The following FKBP1A variants were observed in gnomAD, a reference collection of about 807,000 sequenced individuals.
FKBP1A encodes FKBP prolyl isomerase 1A, also known as peptidyl-prolyl cis-trans isomerase FKBP1A.
Under a neutral mutation model 14.2 loss-of-function variants are expected in FKBP1A, and 5 were observed. That is an observed-to-expected ratio of 0.35 (90% CI 0.18 to 0.74). FKBP1A has a LOEUF of 0.74. Ranked by LOEUF, FKBP1A falls within the 30% of genes least tolerant of loss-of-function variation. FKBP1A has a pLI of 0.56. For synonymous variants in FKBP1A, 42 were observed against 49.1 expected (o/e 0.86, Z 0.60); for missense variants, 53 against 138.8 (o/e 0.38, Z 3.10).
chr20:1,377,020 G>C (rs1032879887), intron 2 of FKBP1A: 2 of 152,206 alleles, frequency 1.3e-5, no homozygotes, highest in Non-Finnish European at 2.9e-5. Flanking sequence ...TGGAGGGTCA[G>C]CCAGTGGTTA....
chr20:1,389,730 C>T (rs2089710966), intron 2 of FKBP1A, among the ~76,000 whole-genome samples: 2 of 152,190 alleles, frequency 1.3e-5, no homozygotes, highest in East Asian at 1.9e-4. Context: ...ATGGCAGGCA[C>T]ACGGCCTGCT....
At chr20:1,377,752 C>T (rs2089566405) in intron 2 of FKBP1A, 1 of 152,196 alleles carries the variant, frequency 6.6e-6, no homozygotes, top group African/African-American at 2.4e-5. Flanking sequence ...CATCCACCCT[C>T]GTGAGACTGC....
rs776042879 is a variant in FKBP1A, at chr20:1,392,336, C to T, written c.85+498G>A. Among the ~76,000 whole-genome samples the T allele has an allele frequency of 2.0e-5, 3 of 152,158 alleles. No individual in the cohort carries two copies. The South Asian group carries it at 6.2e-4, about 31-fold the overall frequency. ...GGCAAAGGGGCGAATTCCGAGTTCC[C>T]CGGAGGAAGCAGCAGCTCTGCAGAC... On this transcript the variant is annotated intron_variant, in intron 2 of 4. Coordinates refer to ENST00000400137, the MANE Select transcript of FKBP1A (RefSeq NM_000801.5).
chr20:1,392,877 G>T lies in FKBP1A; in HGVS notation c.42C>A (p.Arg14=). The T allele has an allele frequency of 6.5e-7, 1 of 1,534,270 alleles. No individual in the cohort carries two copies. The highest frequency in any genetic ancestry group is 8.8e-7 in the Non-Finnish European group (1 of 1,139,900). Reference sequence around the variant, plus strand: ...AGGTCTGGCCGCGCTTGGGGAAGGTGCGCCCTGAGGAGACAGAGACGGGCA... The same window carrying T: ...AGGTCTGGCCGCGCTTGGGGAAGGTTCGCCCTGAGGAGACAGAGACGGGCA... ...QVETISPGDG[R]TFPKRGQTCV... is the part of the protein sequence containing the mutation. Residue 14 remains arginine, a synonymous_variant, in exon 2 of 5, where the codon CGC becomes CGA. Coordinates refer to ENST00000400137, the MANE Select transcript of FKBP1A (RefSeq NM_000801.5).
At chr20:1,390,030 C>T (rs989062762) in intron 2 of FKBP1A, among the ~76,000 whole-genome samples, 15 of 152,136 alleles carry the variant, frequency 9.9e-5, no homozygotes, top group African/African-American at 3.6e-4. Context: ...CAGAAGGTCA[C>T]GGAAGTCACC....
In FKBP1A at chr20:1,375,359, T is replaced by C. The variant is rs1265941247; in HGVS notation, c.198+132A>G. 1.1e-5 allele frequency: 7 copies of C among 645,200 alleles called. 1 individual carries two copies. The highest frequency in any genetic ancestry group is 5.8e-5 in the South Asian group (3 of 51,308). The allele number at this position is 645,200 out of a possible 1,614,324, so 40.0% of individuals were successfully genotyped here. A position where few individuals can be genotyped will look rare whatever the true frequency, so the allele number is the denominator to read the frequency against. On this transcript the variant is annotated intron_variant, in intron 3 of 4. Coordinates refer to ENST00000400137, the MANE Select transcript of FKBP1A (RefSeq NM_000801.5). Reference sequence around the variant, plus strand: ...ACAACAGGAGCTTCTTGTGGGGGTATTGGTCAGATGGGATGGCATGAGGGT... The same window carrying C: ...ACAACAGGAGCTTCTTGTGGGGGTACTGGTCAGATGGGATGGCATGAGGGT...
chr20:1,381,363 G>A (rs1052331778), intron 2 of FKBP1A, among the ~76,000 whole-genome samples: 4 of 152,156 alleles, frequency 2.6e-5, no homozygotes, highest in South Asian at 2.1e-4. Flanking sequence ...TTATAACAAC[G>A]CAAATTAAAA....
Position 1,370,042 on chromosome 20 carries a change from T to C in FKBP1A, c.*67A>G. 6.5e-7 allele frequency: 1 copy of C among 1,550,160 alleles called. No individual in the cohort carries two copies. The highest frequency in any genetic ancestry group is 8.7e-7 in the Non-Finnish European group (1 of 1,146,908). ...CTCCATATGGATTCATGTGCACATG[T>C]CTGGAGGCACCAGATCCCTCCATGG... On this transcript the variant is annotated 3_prime_UTR_variant, in exon 5 of 5. Transcript: ENST00000400137.
At position 1,369,727 on chromosome 20, in the gene FKBP1A, C is replaced by G. The variant is rs1278531291; in HGVS notation, c.*382G>C. On this transcript the variant is annotated 3_prime_UTR_variant, in exon 5 of 5. Transcript: ENST00000400137. Reference sequence around the variant, plus strand: ...AAAATAAAATATTCTTGCAAACCCCCCCCCCAACACCAATTCCTATTCTAA... The same window carrying G: ...AAAATAAAATATTCTTGCAAACCCCGCCCCCAACACCAATTCCTATTCTAA... 5 of 245,426 alleles carry G rather than the reference C, an allele frequency of 2.0e-5. No homozygotes were observed. Among genetic ancestry groups the G allele is most frequent in the East Asian group, 8.9e-5 (1 of 11,230 alleles). The allele number at this position is 245,426 out of a possible 1,614,324, so 15.2% of individuals were successfully genotyped here.
chr20:1,378,922 A>G (rs1411370704), intron 2 of FKBP1A, among the ~76,000 whole-genome samples: 2 of 152,222 alleles, frequency 1.3e-5, no homozygotes, highest in African/African-American at 2.4e-5. Context: ...TCATGTCAGG[A>G]CCCAGTACAC....
chr20:1,387,312 G>A (rs1568592176), intron 2 of FKBP1A, among the ~76,000 whole-genome samples: 1 of 152,132 alleles, frequency 6.6e-6, no homozygotes, highest in Non-Finnish European at 1.5e-5. Flanking sequence ...ACCGAGAAAT[G>A]GATGAAGGAA....
At chr20:1,389,861 T>G (rs2089712505) in intron 2 of FKBP1A, among the ~76,000 whole-genome samples, 2 of 152,166 alleles carry the variant, frequency 1.3e-5, no homozygotes, top group African/African-American at 4.8e-5. Flanking sequence ...TAAAGGCACT[T>G]ACTTGGCAGC....
chr20:1,372,278 C>T (rs1266433694), intron 3 of FKBP1A, 38 bp from the exon 4 acceptor site: 8 of 1,605,530 alleles, frequency 5.0e-6, no homozygotes, highest in Non-Finnish European at 6.8e-6. Context: ...CAGCTGGACA[C>T]ATGCCCCAAC....
intron 2 of FKBP1A, among the ~76,000 whole-genome samples, chr20:1,390,490 A>G (rs758157006): frequency 2.6e-5 from 4 of 152,058 alleles, no homozygotes; most frequent in Non-Finnish European, 1.5e-5. Flanking sequence ...ACACAAAACA[A>G]CAACCAAAAA....
At chr20:1,373,783 T>C (rs2089501146) in intron 3 of FKBP1A, among the ~76,000 whole-genome samples, 1 of 152,170 alleles carries the variant, frequency 6.6e-6, no homozygotes, top group South Asian at 2.1e-4. Flanking sequence ...TGGGTTGTGG[T>C]ATGAACAATG....
rs537338759 is a variant in FKBP1A at position 1,392,485 on chromosome 20, A to G, written c.85+349T>C. 2.6e-5 allele frequency among the ~76,000 whole-genome samples: 4 copies of G among 152,186 alleles called. No individual in the cohort carries two copies. In the South Asian group the frequency reaches 8.3e-4, roughly 32 times the overall value. ...AGCTCTGCCCATTCCTGAAAGTGTG[A>G]CCTTGGGAAAGTGAGACCTTGGGAA... On this transcript the variant is annotated intron_variant, in intron 2 of 4. Transcript: ENST00000400137.
intron 2 of FKBP1A, among the ~76,000 whole-genome samples, chr20:1,391,240 A>G (rs2089732401): frequency 6.6e-6 from 1 of 152,086 alleles, no homozygotes; most frequent in African/African-American, 2.4e-5. Context: ...TTGAGTCCCA[A>G]TCTTTGCCCC....
intron 2 of FKBP1A, among the ~76,000 whole-genome samples, chr20:1,392,026 G>C (rs890386217): frequency 6.6e-6 from 1 of 152,216 alleles, no homozygotes; most frequent in African/African-American, 2.4e-5. Flanking sequence ...TGGCTGGGGA[G>C]GGGGAGGTGT....
At chr20:1,377,514 G>A (rs1423153930) in intron 2 of FKBP1A, 1 of 152,180 alleles carries the variant, frequency 6.6e-6, no homozygotes, top group Non-Finnish European at 1.5e-5. Context: ...GTCACCACCT[G>A]ATGAAAGAAA....
Sources: gnomAD v4.1 joint callset for allele counts (sites outside exome capture counted in the v4.1 genomes callset) on GRCh38, gnomAD v4.1.1 for gene constraint, MANE v1.5 for transcripts, NCBI Gene and HGNC (gene_info 2026-07-23, HGNC 2026-07-21) for gene names.